Variants in HGF observed in about 807,000 individuals in gnomAD.
The protein encoded by HGF is fibroblast-derived tumor cytotoxic factor.
HGF carries 39 observed loss-of-function variants against 111.6 expected under a neutral mutation model. The ratio of observed to expected loss-of-function variants is 0.35; its 90% CI spans 0.27 to 0.46. The LOEUF is 0.46. HGF is among the 20% of genes least tolerant of loss of function. The probability of loss-of-function intolerance (pLI) is 1.00; values close to 1 mark genes in which losing one functional copy is unlikely to be tolerated. For missense variants in HGF, 735 were observed against 910.5 expected (o/e 0.81, Z 2.48); for synonymous variants, 285 against 294.8 (o/e 0.97, Z 0.34).
intron 1 of HGF, among the ~76,000 whole-genome samples, chr7:81,764,540 T>C (rs911299093): frequency 1.3e-5 from 2 of 152,178 alleles, no homozygotes; most frequent in African/African-American, 2.4e-5. Flanking sequence ...GGCAATCTTA[T>C]TGACTTGTCA....
In HGF at chr7:81,710,262, T is replaced by G; in HGVS notation, c.1445-19A>C. 6.6e-7 allele frequency: 1 copy of G among 1,521,126 alleles called. No individual in the cohort carries two copies. The highest frequency in any genetic ancestry group is 9.1e-7 in the Non-Finnish European group (1 of 1,095,330). 94.2% of individuals were successfully genotyped at this position (1,521,126 alleles called of 1,614,324 possible). ...ACGGGATCTGAAACAGGACCAAACA[T>G]AACATTTTTTAAAATAAGAATTTGA... On this transcript the variant is annotated intron_variant, in intron 12 of 17. Transcript: ENST00000222390.
At chr7:81,753,613 A>C (rs1430324254) in intron 4 of HGF, among the ~76,000 whole-genome samples, 1 of 152,032 alleles carries the variant, frequency 6.6e-6, no homozygotes, top group African/African-American at 2.4e-5. Flanking sequence ...TTTTGACATG[A>C]GTGTATTCTA....
At chr7:81,709,922 T>C (rs1048850275) in intron 13 of HGF, among the ~76,000 whole-genome samples, 4 of 152,130 alleles carry the variant, frequency 2.6e-5, no homozygotes, top group African/African-American at 9.7e-5. Context: ...CCAACACATA[T>C]GGGACCTTTG....
At chr7:81,765,197 G>C (rs567271206) in intron 1 of HGF, among the ~76,000 whole-genome samples, 1 of 152,042 alleles carries the variant, frequency 6.6e-6, no homozygotes. Flanking sequence ...CAAAATCTCT[G>C]GTCAATGCTC....
Position 81,706,376 on chromosome 7 carries a change from T to C in HGF, c.1668A>G (p.Arg556=). Residue 556 remains arginine, a synonymous_variant, in exon 15 of 18, where the codon AGA becomes AGG. Transcript: ENST00000222390. ...AWLGIHDVHG[R]GDEKCKQVLN... ...GAACCTGTTTGCATTTCTCATCTCCTCTTCCGTGGACATCATGAATTCCAA... is the reference window on the plus strand; with the variant it reads ...GAACCTGTTTGCATTTCTCATCTCCCCTTCCGTGGACATCATGAATTCCAA... The C allele has an allele frequency of 6.2e-7, 1 of 1,612,132 alleles. No individual in the cohort carries two copies. Among genetic ancestry groups the C allele is most frequent in the South Asian group, 1.1e-5 (1 of 91,032 alleles).
In HGF at chr7:81,710,801, G is replaced by A. The variant is rs543453312; in HGVS notation, c.1445-558C>T. Among the ~76,000 whole-genome samples the A allele has an allele frequency of 2.6e-5, 4 of 152,096 alleles. No individual in the cohort carries two copies. The South Asian group carries it at 8.3e-4, about 32-fold the overall frequency. Reference sequence around the variant, plus strand: ...CAAAGACATAATATAAAATTTATTGGAGTAAATGTTTTCCTGACCCTCCTC... The same window carrying A: ...CAAAGACATAATATAAAATTTATTGAAGTAAATGTTTTCCTGACCCTCCTC... On this transcript the variant is annotated intron_variant, in intron 12 of 17. Coordinates refer to ENST00000222390, the MANE Select transcript of HGF (RefSeq NM_000601.6).
intron 11 of HGF, among the ~76,000 whole-genome samples, chr7:81,714,302 G>A (rs1789654983): frequency 6.6e-6 from 1 of 151,942 alleles, no homozygotes; most frequent in Admixed American, 6.6e-5. Flanking sequence ...AACATAGTAT[G>A]TTATATATGG....
chr7:81,702,848 A>G, intron 17 of HGF, 91 bp from the exon 18 acceptor site: 1 of 1,053,892 alleles, frequency 9.5e-7, no homozygotes, highest in Non-Finnish European at 1.4e-6. Flanking sequence ...TCTCAGAGAT[A>G]TATACAGAAA....
At chr7:81,727,828 A>G (rs1361766172) in intron 8 of HGF, among the ~76,000 whole-genome samples, 1 of 152,186 alleles carries the variant, frequency 6.6e-6, no homozygotes, top group East Asian at 1.9e-4. Context: ...TGACTTTAAC[A>G]TCTGTATTAG....
chr7:81,738,403 C>T (rs538756808), intron 7 of HGF, among the ~76,000 whole-genome samples: 15 of 152,180 alleles, frequency 9.9e-5, no homozygotes, highest in East Asian at 3.9e-4. Context: ...ATTACATATT[C>T]GTGATGTCTT....
intron 7 of HGF, among the ~76,000 whole-genome samples, chr7:81,734,112 AT>A (rs1787750903): frequency 6.6e-6 from 1 of 152,170 alleles, no homozygotes. Context: ...GCTGAAGTTG[AT>A]TGTTTAGACA....
chr7:81,727,994 C>G (rs5745699), intron 8 of HGF, among the ~76,000 whole-genome samples: 3,054 of 152,178 alleles, frequency 0.02, 100 homozygotes, highest in African/African-American at 0.068. Flanking sequence ...TCATCACAGG[C>G]AGTGTTGTTC....
chr7:81,744,867 T>TG (rs1788165609), intron 6 of HGF, 133 bp downstream of exon 6: 1 of 1,010,294 alleles, frequency 9.9e-7, no homozygotes, highest in Admixed American at 2.0e-5. Flanking sequence ...CTGAACATTC[T>TG]GGGAGTTCTA....
chr7:81,746,283 G>A (rs941508844), intron 5 of HGF, among the ~76,000 whole-genome samples: 1 of 152,034 alleles, frequency 6.6e-6, no homozygotes, highest in African/African-American at 2.4e-5. Context: ...AGGCCAACTC[G>A]GCTTCCCTTC....
At chr7:81,748,022 T>C (rs1788344741) in intron 5 of HGF, among the ~76,000 whole-genome samples, 1 of 152,090 alleles carries the variant, frequency 6.6e-6, no homozygotes, top group Non-Finnish European at 1.5e-5. Context: ...GGAAAACAAG[T>C]CTCACAAAAG....
intron 1 of HGF, among the ~76,000 whole-genome samples, chr7:81,765,118 A>G (rs1789294058): frequency 6.6e-6 from 1 of 152,076 alleles, no homozygotes; most frequent in South Asian, 2.1e-4. Context: ...GTGTGAGGGA[A>G]AAGCCTAAAA....
rs554767424 is a variant in HGF, at chr7:81,748,389, T to C, written c.626-3269A>G. ...TTATCCAAAGTCAATGGCTGAAAAG[T>C]TGGCTGTTTTACCACGGAATCAAGC... is the stretch of plus-strand genomic sequence containing the variant. On this transcript the variant is annotated intron_variant, in intron 5 of 17. Coordinates refer to ENST00000222390, the MANE Select transcript of HGF (RefSeq NM_000601.6). Among the ~76,000 whole-genome samples, 3 of 152,280 alleles carry C rather than the reference T, an allele frequency of 2.0e-5. No homozygotes were observed. The East Asian group carries it at 5.8e-4, about 29-fold the overall frequency.
intron 9 of HGF, among the ~76,000 whole-genome samples, chr7:81,724,574 C>A (rs1789956295): frequency 6.6e-6 from 1 of 152,082 alleles, no homozygotes; most frequent in Admixed American, 6.5e-5. Context: ...AAAAATCTAC[C>A]TTTTAAAAAA....
At chr7:81,708,885 C>T (rs941817424) in intron 13 of HGF, among the ~76,000 whole-genome samples, 21 of 151,988 alleles carry the variant, frequency 1.4e-4, no homozygotes, top group African/African-American at 5.1e-4. Context: ...CCTAGGACAG[C>T]TATACTACAA....
Sources: allele counts gnomAD v4.1 joint callset (sites outside exome capture counted in the v4.1 genomes callset), GRCh38; gene constraint gnomAD v4.1.1; transcripts MANE v1.5; gene names NCBI Gene and HGNC (gene_info 2026-07-23, HGNC 2026-07-21).